PRKN: variants seen among roughly 807,000 people sequenced by gnomAD.
The protein encoded by PRKN is E3 ubiquitin-protein ligase parkin.
Under a neutral mutation model 59.5 loss-of-function variants are expected in PRKN, and 56 were observed. The observed-to-expected ratio is 0.94, with a 90% confidence interval of 0.76 to 1.18. The LOEUF is 1.18. PRKN is among the 50% of genes most tolerant of loss of function. The pLI, the probability that PRKN is intolerant of heterozygous loss-of-function variation, is 0.00. For missense variants in PRKN, 657 were observed against 596.4 expected (o/e 1.10, Z -1.06); for synonymous variants, 250 against 222.1 (o/e 1.13, Z -1.12).
At chr6:162,558,039 A>G (rs1163084679) in intron 1 of PRKN, among the ~76,000 whole-genome samples, 1 of 152,166 alleles carries the variant, frequency 6.6e-6, no homozygotes, top group Non-Finnish European at 1.5e-5. Flanking sequence ...CCATGGTGAG[A>G]ACCTATATAT....
Position 161,373,428 on chromosome 6 carries a change from G to C in PRKN, c.1168-13223C>G, listed in dbSNP as rs1785522016. 6.6e-6 allele frequency among the ~76,000 whole-genome samples: 1 copy of C among 152,034 alleles called. No homozygotes were observed. Among genetic ancestry groups the C allele is most frequent in the Non-Finnish European group, 1.5e-5 (1 of 68,016 alleles). On this transcript the variant is annotated intron_variant, in intron 10 of 11. Transcript: ENST00000366898. This position sits in a 1 kb window ranked among gnomAD's most constrained non-coding sequence, Gnocchi z 4.8. ...GTCTTGGATTCCTCAGACACGGGTGGGAACACCTAGTCCTTGCTGAAAGAA... is the reference window on the plus strand; with the variant it reads ...GTCTTGGATTCCTCAGACACGGGTGCGAACACCTAGTCCTTGCTGAAAGAA...
Position 161,548,417 on chromosome 6 carries a change from T to C in PRKN, c.1083+437A>G, listed in dbSNP as rs989794592. Among the ~76,000 whole-genome samples the C allele has an allele frequency of 4.6e-5, 7 of 152,224 alleles. No homozygotes were observed. Among genetic ancestry groups the C allele is most frequent in the Non-Finnish European group, 7.3e-5 (5 of 68,030 alleles). On this transcript the variant is annotated intron_variant, in intron 9 of 11. Coordinates refer to ENST00000366898, the MANE Select transcript of PRKN (RefSeq NM_004562.3). The surrounding 1 kb of genome is among the most constrained non-coding windows in gnomAD (Gnocchi z 4.2). Reference sequence around the variant, plus strand: ...TAATAACATTTCAAGTTTTCCACATTAACCTTCATTTTATTTCTTGAAATA... The same window carrying C: ...TAATAACATTTCAAGTTTTCCACATCAACCTTCATTTTATTTCTTGAAATA...
chr6:162,720,873 C>A (rs1312651289), intron 1 of PRKN, among the ~76,000 whole-genome samples: 1 of 152,160 alleles, frequency 6.6e-6, no homozygotes, highest in African/African-American at 2.4e-5. Flanking sequence ...TCTCTCCACA[C>A]AGAGAAGAAA....
At chr6:161,366,593 C>A (rs138560395) in intron 10 of PRKN, among the ~76,000 whole-genome samples, 1 of 152,206 alleles carries the variant, frequency 6.6e-6, no homozygotes, top group Non-Finnish European at 1.5e-5. Flanking sequence ...GAAAACCCAA[C>A]TTAGGAGTGT....
At position 162,279,029 on chromosome 6, in the gene PRKN, C is replaced by T. The variant is rs534842809; in HGVS notation, c.172-16264G>A. ...ACTCAGTCACTAAATGGAAAGTAAC[C>T]ACTGAAAATCAGAAATGTTGGCGAG... On this transcript the variant is annotated intron_variant, in intron 2 of 11. Coordinates refer to ENST00000366898, the MANE Select transcript of PRKN (RefSeq NM_004562.3). Among the ~76,000 whole-genome samples the T allele has an allele frequency of 1.2e-4, 19 of 152,088 alleles. No homozygotes were observed. In the South Asian group the frequency reaches 4.0e-3, roughly 32 times the overall value.
At chr6:162,591,804 C>A (rs1030666261) in intron 1 of PRKN, among the ~76,000 whole-genome samples, 6 of 150,902 alleles carry the variant, frequency 4.0e-5, no homozygotes, top group Non-Finnish European at 8.9e-5. Context: ...TAATAATAAT[C>A]CTTTGTAATA....
chr6:162,275,785 C>CA (rs60313068), intron 2 of PRKN, among the ~76,000 whole-genome samples: 22,450 of 129,650 alleles, frequency 0.17, 2,263 homozygotes, highest in East Asian at 0.53. Context: ...AAATCCGTCT[C>CA]AAAAAAAAAA....
intron 3 of PRKN, among the ~76,000 whole-genome samples, chr6:162,235,959 A>AAAG (rs1318934916): frequency 3.1e-5 from 1 of 32,546 alleles, no homozygotes; most frequent in African/African-American, 1.2e-4. Context: ...GGAAGAAAGG[A>AAAG]AGAAAGAAAG....
At chr6:162,377,264 T>C (rs1786160448) in intron 2 of PRKN, among the ~76,000 whole-genome samples, 1 of 152,186 alleles carries the variant, frequency 6.6e-6, no homozygotes, top group Non-Finnish European at 1.5e-5. Context: ...GCTATGTGAA[T>C]GTGTAAGGAA....
At chr6:162,424,852 T>C (rs1318636402) in intron 2 of PRKN, among the ~76,000 whole-genome samples, 1 of 152,064 alleles carries the variant, frequency 6.6e-6, no homozygotes, top group African/African-American at 2.4e-5. Context: ...TTTTCCACAA[T>C]TTCCACACAA....
At chr6:161,957,282 A>G (rs1780203968) in intron 6 of PRKN, among the ~76,000 whole-genome samples, 1 of 152,230 alleles carries the variant, frequency 6.6e-6, no homozygotes, top group Non-Finnish European at 1.5e-5. Flanking sequence ...TTAAGTAGGT[A>G]CCATCAACAT....
At chr6:162,515,328 C>T (rs1318093108) in intron 1 of PRKN, among the ~76,000 whole-genome samples, 1 of 152,124 alleles carries the variant, frequency 6.6e-6, no homozygotes, top group Admixed American at 6.6e-5. Flanking sequence ...GGTGATCCGC[C>T]TGCCTCAGCC....
chr6:161,678,941 C>T (rs1385642328), intron 7 of PRKN, among the ~76,000 whole-genome samples: 4 of 152,250 alleles, frequency 2.6e-5, no homozygotes, highest in East Asian at 1.9e-4. Flanking sequence ...ACCCATTTCA[C>T]GATGCTTATT....
At chr6:162,702,914 G>C (rs564350028) in intron 1 of PRKN, among the ~76,000 whole-genome samples, 1 of 152,074 alleles carries the variant, frequency 6.6e-6, no homozygotes, top group East Asian at 1.9e-4. Context: ...ATATCTAAGG[G>C]GATTGATTTA....
intron 7 of PRKN, among the ~76,000 whole-genome samples, chr6:161,732,097 T>TTG (rs1308985850): frequency 6.6e-6 from 1 of 151,846 alleles, no homozygotes; most frequent in African/African-American, 2.4e-5. Context: ...TTCTATTTTT[T>TTG]TTTTTTTGAG....
At chr6:162,143,966 C>A (rs55832918) in intron 4 of PRKN, among the ~76,000 whole-genome samples, 1 of 152,102 alleles carries the variant, frequency 6.6e-6, no homozygotes, top group Admixed American at 6.5e-5. Flanking sequence ...TCATACAGAA[C>A]GGATGGCATA....
rs561641859 is a variant in PRKN at position 161,887,541 on chromosome 6, G to C, written c.734+85761C>G. On this transcript the variant is annotated intron_variant, in intron 6 of 11. Coordinates refer to ENST00000366898, the MANE Select transcript of PRKN (RefSeq NM_004562.3). Reference sequence around the variant, plus strand: ...TCATTTTTCCTTTCAGCAAGTTAGTGAAACTTTTCAAGGTCGTCATGTATG... The same window carrying C: ...TCATTTTTCCTTTCAGCAAGTTAGTCAAACTTTTCAAGGTCGTCATGTATG... 2.6e-5 allele frequency among the ~76,000 whole-genome samples: 4 copies of C among 152,282 alleles called. No individual in the cohort carries two copies. In the East Asian group the frequency reaches 7.7e-4, roughly 29 times the overall value.
At chr6:161,713,051 C>T (rs909468523) in intron 7 of PRKN, among the ~76,000 whole-genome samples, 1 of 152,168 alleles carries the variant, frequency 6.6e-6, no homozygotes, top group Non-Finnish European at 1.5e-5. Flanking sequence ...TACCTCAGAC[C>T]GATGGGCTAC....
At chr6:161,758,137 T>C (rs1366635310) in intron 7 of PRKN, among the ~76,000 whole-genome samples, 3 of 151,618 alleles carry the variant, frequency 2.0e-5, no homozygotes, top group Middle Eastern at 3.4e-3. Context: ...GCATGTAAAA[T>C]GGAAATGGTA....
Sources: allele counts gnomAD v4.1 joint callset (sites outside exome capture counted in the v4.1 genomes callset), GRCh38; gene constraint gnomAD v4.1.1; non-coding constraint Gnocchi (gnomAD v3.1); transcripts MANE v1.5; gene names NCBI Gene and HGNC (gene_info 2026-07-23, HGNC 2026-07-21).